JAKMIP1: variants seen among roughly 807,000 people sequenced by gnomAD.
JAKMIP1 encodes janus kinase and microtubule interacting protein 1, also known as janus kinase and microtubule-interacting protein 1.
JAKMIP1 carries 33 observed loss-of-function variants against 113.0 expected under a neutral mutation model. The observed-to-expected ratio is 0.29, with a 90% CI of 0.22 to 0.39. JAKMIP1 has a LOEUF of 0.39. Among genes scored for constraint, JAKMIP1 ranks in the 10% least tolerant of loss-of-function variants. The pLI is 1.00. For synonymous variants in JAKMIP1, 480 were observed against 459.9 expected, an observed-to-expected ratio of 1.04 and a Z score of -0.56; for missense variants, 813 against 1,080.5, an observed-to-expected ratio of 0.75 and a Z score of 3.47.
chr4:6,103,824 T>C (rs192364056), intron 3 of JAKMIP1, among the ~76,000 whole-genome samples: 14 of 152,322 alleles, frequency 9.2e-5, no homozygotes, highest in Non-Finnish European at 1.6e-4. Flanking sequence ...GTAGGAGCTG[T>C]GGTATTTCCC....
At chr4:6,182,702 G>A (rs966069673) in intron 1 of JAKMIP1, among the ~76,000 whole-genome samples, 3 of 152,230 alleles carry the variant, frequency 2.0e-5, no homozygotes, top group African/African-American at 4.8e-5. Flanking sequence ...AACAGCAGGA[G>A]CATCAGGAGA....
At chr4:6,078,185 T>C (rs1297694125) in intron 8 of JAKMIP1, among the ~76,000 whole-genome samples, 1 of 152,030 alleles carries the variant, frequency 6.6e-6, no homozygotes, top group Non-Finnish European at 1.5e-5. Context: ...CGTGGTGGCA[T>C]GTGCCTGTAG....
At chr4:6,145,352 G>A (rs893696421) in intron 1 of JAKMIP1, among the ~76,000 whole-genome samples, 13 of 152,158 alleles carry the variant, frequency 8.5e-5, no homozygotes, top group African/African-American at 2.9e-4. Flanking sequence ...CCAAGTCACA[G>A]AGCTGATTAG....
At position 6,183,505 on chromosome 4, in the gene JAKMIP1, T is replaced by TAAATAAAG. The variant is rs1726293337; in HGVS notation, c.-148+16747_-148+16748insCTTTATTT. ...ATAAATAAATAAATAAATAAATAAA[T>TAAATAAAG]AAATTTAAAAAAGAAAGTAAAATGG... is the stretch of plus-strand genomic sequence containing the variant. On this transcript the variant is annotated intron_variant, in intron 1 of 20. Transcript: ENST00000409021. This position sits in a 1 kb window ranked among gnomAD's most constrained non-coding sequence, Gnocchi z 5.3. Among the ~76,000 whole-genome samples the TAAATAAAG allele has an allele frequency of 6.6e-6, 1 of 150,860 alleles. No individual in the cohort carries two copies. The highest frequency in any genetic ancestry group is 6.6e-5 in the Admixed American group (1 of 15,134).
Position 6,168,488 on chromosome 4 carries a change from C to T in JAKMIP1, c.-148+31765G>A, listed in dbSNP as rs377259578. On this transcript the variant is annotated intron_variant, in intron 1 of 20. Transcript: ENST00000409021. This position sits in a 1 kb window ranked among gnomAD's most constrained non-coding sequence, Gnocchi z 4.6. ...ATCAGAAGGAATGAAGTCTCAACAC[C>T]TGCTACGACATGAATGAACCTGGAA... Among the ~76,000 whole-genome samples, 6 of 152,126 alleles carry T rather than the reference C, an allele frequency of 3.9e-5. No homozygotes were observed. The highest frequency in any genetic ancestry group is 3.9e-4 in the East Asian group (2 of 5,182).
chr4:6,038,300 C>T (rs1178988871), intron 18 of JAKMIP1, among the ~76,000 whole-genome samples: 9 of 149,106 alleles, frequency 6.0e-5, no homozygotes, highest in Non-Finnish European at 1.0e-4. Context: ...ATCCCTCCAT[C>T]ACCGAGGCAG....
intron 1 of JAKMIP1, among the ~76,000 whole-genome samples, chr4:6,120,981 C>G (rs1716631179): frequency 6.6e-6 from 1 of 152,152 alleles, no homozygotes; most frequent in Admixed American, 6.5e-5. Flanking sequence ...AAGCGGATCA[C>G]CTGAGATCAG....
At chr4:6,090,261 C>G (rs1336264402) in intron 3 of JAKMIP1, among the ~76,000 whole-genome samples, 1 of 151,870 alleles carries the variant, frequency 6.6e-6, no homozygotes, top group Non-Finnish European at 1.5e-5. Context: ...AAGCTGCAGA[C>G]ATGCAGGGGA....
intron 2 of JAKMIP1, 109 bp downstream of exon 2, chr4:6,112,613 C>G (rs1030266586): frequency 3.3e-5 from 44 of 1,333,296 alleles, no homozygotes; most frequent in Admixed American, 1.5e-4. Flanking sequence ...GAAGTGCCCC[C>G]CCTCGGCCCC....
rs1469292746 is a variant in JAKMIP1 at position 6,193,426 on chromosome 4, A to G, written c.-148+6827T>C. Reference sequence around the variant, plus strand: ...TATATCCGATTAGTTCTGTCTCTCTAGAGAACCCTGACTAATACAGACGTG... The same window carrying G: ...TATATCCGATTAGTTCTGTCTCTCTGGAGAACCCTGACTAATACAGACGTG... On this transcript the variant is annotated intron_variant, in intron 1 of 20. Coordinates refer to ENST00000409021, the MANE Select transcript of JAKMIP1 (RefSeq NM_001099433.2). This position sits in a 1 kb window ranked among gnomAD's most constrained non-coding sequence, Gnocchi z 6.4. 1.3e-5 allele frequency among the ~76,000 whole-genome samples: 2 copies of G among 152,188 alleles called. No homozygotes were observed. The highest frequency in any genetic ancestry group is 1.3e-4 in the Admixed American group (2 of 15,280).
chr4:6,139,009 C>T lies in JAKMIP1; in HGVS notation c.-147-26012G>A, dbSNP rs868396457. Among the ~76,000 whole-genome samples, 11 of 151,872 alleles carry T rather than the reference C, an allele frequency of 7.2e-5. No individual in the cohort carries two copies. The highest frequency in any genetic ancestry group is 6.6e-4 in the Admixed American group (10 of 15,240). The stretch of plus-strand genomic sequence containing the variant: ...CACCCCACCCTGTCTGTTCATCCTC[C>T]ATGGCCTTAGTCAAGCTGTTATTGT... On this transcript the variant is annotated intron_variant, in intron 1 of 20. Transcript: ENST00000409021. This position sits in a 1 kb window ranked among gnomAD's most constrained non-coding sequence, Gnocchi z 5.2.
intron 3 of JAKMIP1, among the ~76,000 whole-genome samples, chr4:6,101,732 C>CAAAA (rs56084278): frequency 3.1e-5 from 3 of 96,592 alleles, no homozygotes; most frequent in African/African-American, 4.1e-5. Context: ...ACTAAAAATA[C>CAAAA]AAAAAAAAAA....
At chr4:6,114,266 A>G (rs1268308124) in intron 1 of JAKMIP1, among the ~76,000 whole-genome samples, 3 of 152,184 alleles carry the variant, frequency 2.0e-5, no homozygotes, top group East Asian at 3.9e-4. Context: ...GGACAGAAGG[A>G]GAGAAAGCAC....
Position 6,064,846 on chromosome 4 carries a change from G to T in JAKMIP1, c.1431+34C>A. 2 of 1,612,844 alleles carry T rather than the reference G, an allele frequency of 1.2e-6. No individual in the cohort carries two copies. Among genetic ancestry groups the T allele is most frequent in the South Asian group, 2.2e-5 (2 of 91,004 alleles). On this transcript the variant is annotated intron_variant, in intron 9 of 20. Coordinates refer to ENST00000409021, the MANE Select transcript of JAKMIP1 (RefSeq NM_001099433.2). This position sits in a 1 kb window ranked among gnomAD's most constrained non-coding sequence, Gnocchi z 4.3. ...GAGGTGCCGCCCCGAGAGCATCTGG[G>T]GTGAGGTCCCGCCCTCTCTGCAGGT...
chr4:6,063,546 G>C (rs992899153), intron 9 of JAKMIP1, among the ~76,000 whole-genome samples: 2 of 152,164 alleles, frequency 1.3e-5, no homozygotes, highest in Non-Finnish European at 2.9e-5. Flanking sequence ...GTGGGCTGAC[G>C]GGGAGGATGG....
intron 1 of JAKMIP1, among the ~76,000 whole-genome samples, chr4:6,148,516 T>TGCGCC (rs1223321776): frequency 6.6e-6 from 1 of 152,190 alleles, no homozygotes; most frequent in African/African-American, 2.4e-5. Flanking sequence ...GCACGGACTC[T>TGCGCC]GCGCCGGGCG....
rs1719392894 is a variant in JAKMIP1, at chr4:6,137,348, A to G, written c.-147-24351T>C. ...GCGCTGGCATTTTCCTAACAGACGGATCAGCTTTAGACGGCACTGTTCCCG... is the reference window on the plus strand; with the variant it reads ...GCGCTGGCATTTTCCTAACAGACGGGTCAGCTTTAGACGGCACTGTTCCCG... On this transcript the variant is annotated intron_variant, in intron 1 of 20. Coordinates refer to ENST00000409021, the MANE Select transcript of JAKMIP1 (RefSeq NM_001099433.2). This position sits in a 1 kb window ranked among gnomAD's most constrained non-coding sequence, Gnocchi z 4.5. Among the ~76,000 whole-genome samples the G allele has an allele frequency of 6.6e-6, 1 of 152,204 alleles. No individual in the cohort carries two copies. The highest frequency in any genetic ancestry group is 1.5e-5 in the Non-Finnish European group (1 of 68,034).
chr4:6,107,261 G>A (rs1714112583), intron 2 of JAKMIP1, among the ~76,000 whole-genome samples: 1 of 152,174 alleles, frequency 6.6e-6, no homozygotes, highest in Non-Finnish European at 1.5e-5. Flanking sequence ...CTCCTGCGAG[G>A]CAACAGTCAA....
In JAKMIP1 at chr4:6,048,818, G is replaced by T; in HGVS notation, c.2028+39C>A. 8 of 1,560,972 alleles carry T rather than the reference G, an allele frequency of 5.1e-6. 1 individual carries two copies. Among genetic ancestry groups the T allele is most frequent in the Non-Finnish European group, 7.1e-6 (8 of 1,131,794 alleles). Reference sequence around the variant, plus strand: ...GTTTCTTGTATGGTGCTGGGAAGCTGGGACAAGGTGTGAGCACAGAAATGC... The same window carrying T: ...GTTTCTTGTATGGTGCTGGGAAGCTTGGACAAGGTGTGAGCACAGAAATGC... On this transcript the variant is annotated intron_variant, in intron 16 of 20. Coordinates refer to ENST00000409021, the MANE Select transcript of JAKMIP1 (RefSeq NM_001099433.2).
Sources: allele counts gnomAD v4.1 joint callset (sites outside exome capture counted in the v4.1 genomes callset), GRCh38; gene constraint gnomAD v4.1.1; non-coding constraint Gnocchi (gnomAD v3.1); transcripts MANE v1.5; gene names NCBI Gene and HGNC (gene_info 2026-07-23, HGNC 2026-07-21).